Variants in AOPEP observed in about 807,000 individuals in gnomAD.
AOPEP encodes the protein aminopeptidase O.
Under a neutral mutation model 98.1 loss-of-function variants are expected in AOPEP, and 77 were observed. That is an observed-to-expected ratio of 0.78 (90% CI 0.65 to 0.95). The LOEUF is 0.95. Ranked by LOEUF, AOPEP falls within the 40% of genes least tolerant of loss-of-function variation. AOPEP has a pLI of 0.00. For synonymous variants in AOPEP, 346 were observed against 365.3 expected (o/e 0.95, Z 0.60); for missense variants, 1,024 against 1,024.7 (o/e 1.00, Z 0.01).
chr9:95,147,988 T>C, the AOPEP span, among the ~76,000 whole-genome samples: 1 of 152,092 alleles, frequency 6.6e-6, no homozygotes, highest in Non-Finnish European at 1.5e-5. Context: ...ATCTCCTGGT[T>C]TTTCCTGGAA....
intron 14 of AOPEP, among the ~76,000 whole-genome samples, chr9:95,080,470 C>G (rs538169123): frequency 6.6e-6 from 1 of 152,098 alleles, no homozygotes; most frequent in Non-Finnish European, 1.5e-5. Context: ...TGAGCCAGAT[C>G]GTGCCACTGC....
chr9:95,104,745 A>C, the AOPEP span, among the ~76,000 whole-genome samples: 1 of 152,066 alleles, frequency 6.6e-6, no homozygotes, highest in African/African-American at 2.4e-5. Flanking sequence ...CCAAACTCCC[A>C]CGCTGACCCC....
intron 3 of AOPEP, among the ~76,000 whole-genome samples, chr9:94,781,958 G>A (rs899407655): frequency 6.6e-6 from 1 of 151,030 alleles, no homozygotes; most frequent in Middle Eastern, 3.2e-3. Context: ...TTGGGAGGCC[G>A]AGGCGGGCGG....
chr9:94,783,428 G>C (rs562426970), intron 3 of AOPEP, among the ~76,000 whole-genome samples: 1 of 152,224 alleles, frequency 6.6e-6, no homozygotes, highest in African/African-American at 2.4e-5. Context: ...TTACTGTCTC[G>C]TTTGTTCTGG....
intron 3 of AOPEP, among the ~76,000 whole-genome samples, chr9:94,781,091 C>CT (rs879916375): frequency 5.6e-4 from 79 of 142,328 alleles, no homozygotes; most frequent in East Asian, 6.1e-4. Context: ...AGTTGTTATT[C>CT]TTTTTTTTTT....
chr9:95,103,375 C>G, the AOPEP span, among the ~76,000 whole-genome samples: 1 of 152,206 alleles, frequency 6.6e-6, no homozygotes, highest in African/African-American at 2.4e-5. Context: ...GGGTTCAATT[C>G]ATTTTGAGTT....
At position 95,080,728 on chromosome 9, in the gene AOPEP, A is replaced by C; in HGVS notation, c.2267A>C (p.His756Pro). The C allele has an allele frequency of 6.2e-7, 1 of 1,613,950 alleles. No homozygotes were observed. The highest frequency in any genetic ancestry group is 8.5e-7 in the Non-Finnish European group (1 of 1,179,966). Residue 756 changes from histidine to proline, a missense_variant, in exon 15 of 17, where the codon CAC becomes CCC. By Grantham distance (77) the His-to-Pro change is moderately conservative. This residue lies in a region of AOPEP where 566 missense variants were observed against 551.7 expected (regional missense o/e 1.03). Transcript: ENST00000375315. Reference sequence around the variant, plus strand: ...CGGTGGTGTGAACTCATTGTTAAGCACAAGTTCACGAAAGCCTACAAAAGT... The same window carrying C: ...CGGTGGTGTGAACTCATTGTTAAGCCCAAGTTCACGAAAGCCTACAAAAGT... Reference protein sequence around the residue: ...RHRWCELIVKHKFTKAYKSVE... With the variant: ...RHRWCELIVKPKFTKAYKSVE...
intron 5 of AOPEP, among the ~76,000 whole-genome samples, chr9:94,877,595 AT>A (rs2047109859): frequency 6.6e-6 from 1 of 151,806 alleles, no homozygotes; most frequent in Non-Finnish European, 1.5e-5. Context: ...TAACTTTTGT[AT>A]TTTTAGTAGA....
chr9:95,047,325 C>T (rs754544752), intron 13 of AOPEP, among the ~76,000 whole-genome samples: 2 of 152,068 alleles, frequency 1.3e-5, no homozygotes, highest in African/African-American at 2.4e-5. Context: ...TTTTTTTAAC[C>T]TTTCACGTAA....
In AOPEP at chr9:94,915,924, A is replaced by G. The variant is rs1588871638; in HGVS notation, c.1365-8062A>G. ...ATGGGAAGATTTGATTTGTGGACCC[A>G]AAGAGTGTATTTCAAAGCAAAGCAG... On this transcript the variant is annotated intron_variant, in intron 5 of 16. Coordinates refer to ENST00000375315, the MANE Select transcript of AOPEP (RefSeq NM_001193329.3). 2.0e-5 allele frequency among the ~76,000 whole-genome samples: 3 copies of G among 152,200 alleles called. No homozygotes were observed. In the South Asian group the frequency reaches 6.2e-4, roughly 31 times the overall value.
intron 5 of AOPEP, among the ~76,000 whole-genome samples, chr9:94,850,546 A>G (rs2135159876): frequency 6.6e-6 from 1 of 152,312 alleles, no homozygotes; most frequent in South Asian, 2.1e-4. Context: ...AGACAAAAAA[A>G]CTGAAGCCCA....
chr9:94,738,659 C>T (rs753106905), intron 1 of AOPEP, among the ~76,000 whole-genome samples: 51 of 152,294 alleles, frequency 3.3e-4, no homozygotes, highest in Non-Finnish European at 5.1e-4. Context: ...CTGCAAGTTC[C>T]GCTCCCCGGG....
At chr9:94,844,776 G>A (rs2042655705) in intron 5 of AOPEP, among the ~76,000 whole-genome samples, 1 of 152,170 alleles carries the variant, frequency 6.6e-6, no homozygotes, top group Non-Finnish European at 1.5e-5. Context: ...AGTCTCAGGG[G>A]GCAGATGGTC....
At chr9:95,039,544 A>G (rs1225149509) in intron 13 of AOPEP, among the ~76,000 whole-genome samples, 1 of 152,142 alleles carries the variant, frequency 6.6e-6, no homozygotes, top group Admixed American at 6.5e-5. Context: ...CTGCACTCCA[A>G]CCTGGGTGAC....
At chr9:95,101,537 G>C in the AOPEP span, 3 of 815,342 alleles carry the variant, frequency 3.7e-6, no homozygotes, top group Admixed American at 2.2e-5. Context: ...ACCTGGCTCT[G>C]CATTTTGTAA....
intron 1 of AOPEP, among the ~76,000 whole-genome samples, chr9:94,749,147 C>T (rs1835141263): frequency 6.6e-6 from 1 of 152,152 alleles, no homozygotes; most frequent in Non-Finnish European, 1.5e-5. Flanking sequence ...TCAATTTAAA[C>T]AAATGATTAC....
At chr9:94,767,480 C>T (rs1185088798) in intron 2 of AOPEP, among the ~76,000 whole-genome samples, 1 of 152,180 alleles carries the variant, frequency 6.6e-6, no homozygotes, top group Non-Finnish European at 1.5e-5. Flanking sequence ...TTCAAAAGAA[C>T]CTGGATGGTG....
At chr9:94,839,010 A>G (rs757624479) in intron 5 of AOPEP, among the ~76,000 whole-genome samples, 17 of 142,350 alleles carry the variant, frequency 1.2e-4, no homozygotes, top group Admixed American at 2.3e-4. Context: ...TCCTGGGTTC[A>G]AGCTGTTTTC....
intron 7 of AOPEP, among the ~76,000 whole-genome samples, chr9:94,945,857 T>C (rs2057559928): frequency 2.6e-5 from 4 of 152,188 alleles, no homozygotes; most frequent in Admixed American, 2.6e-4. Context: ...AAGTTTTCCA[T>C]TTTTATTCTT....
Sources: gnomAD v4.1 joint callset for allele counts (sites outside exome capture counted in the v4.1 genomes callset) on GRCh38, gnomAD v4.1.1 for gene constraint, gnomAD v4.1.1 regional missense constraint, MANE v1.5 for transcripts, NCBI Gene and HGNC (gene_info 2026-07-23, HGNC 2026-07-21) for gene names.